The following EIF2S1 variants were observed in gnomAD, a reference collection of about 807,000 sequenced individuals.
EIF2S1 encodes the protein eukaryotic translation initiation factor 2 subunit alpha.
EIF2S1 carries 5 observed loss-of-function variants against 33.5 expected under a neutral mutation model. The ratio of observed to expected loss-of-function variants is 0.15; its 90% confidence interval spans 0.08 to 0.31. The LOEUF (loss-of-function observed/expected upper bound fraction) is 0.31, where lower values mean the gene tolerates loss of function less well. EIF2S1 is among the 10% of genes least tolerant of loss of function. The pLI, the probability that EIF2S1 is intolerant of heterozygous loss-of-function variation, is 1.00. For missense variants in EIF2S1, 191 were observed against 384.6 expected (o/e 0.50, Z 4.21); for synonymous variants, 99 against 127.5 (o/e 0.78, Z 1.51).
chr14:67,370,763 T>C (rs909039297), intron 2 of EIF2S1, among the ~76,000 whole-genome samples: 3 of 152,218 alleles, frequency 2.0e-5, no homozygotes, highest in African/African-American at 7.2e-5. Context: ...CAGTGGTTCA[T>C]GTCTGTAATT....
At position 67,384,706 on chromosome 14, in the gene EIF2S1, T is replaced by A. The variant is rs1042628801; in HGVS notation, c.*1266T>A. Reference sequence around the variant, plus strand: ...GGTAGTTTGTACCATTTATGAAGGTTTGTTCCTTTGTTAAATTTAGCAGCC... The same window carrying A: ...GGTAGTTTGTACCATTTATGAAGGTATGTTCCTTTGTTAAATTTAGCAGCC... On this transcript the variant is annotated 3_prime_UTR_variant, in exon 8 of 8. Transcript: ENST00000256383. 3.3e-5 allele frequency: 5 copies of A among 152,166 alleles called. No homozygotes were observed. Among genetic ancestry groups the A allele is most frequent in the Non-Finnish European group, 7.3e-5 (5 of 68,032 alleles). 9.4% of individuals were successfully genotyped at this position (152,166 alleles called of 1,614,324 possible). A position where few individuals can be genotyped will look rare whatever the true frequency, so the allele number is the denominator to read the frequency against.
At chr14:67,379,129 A>G (rs2085872686) in intron 4 of EIF2S1, among the ~76,000 whole-genome samples, 1 of 152,084 alleles carries the variant, frequency 6.6e-6, no homozygotes, top group East Asian at 1.9e-4. Flanking sequence ...TGTTTAGGTA[A>G]TTTTCCCTTC....
intron 1 of EIF2S1, 64 bp from the exon 2 acceptor site, chr14:67,364,703 A>G (rs1169380754): frequency 4.1e-6 from 6 of 1,471,072 alleles, no homozygotes; most frequent in Non-Finnish European, 5.5e-6. Flanking sequence ...GGATGTGGAA[A>G]TTGATTTTTT....
chr14:67,373,089 G>A (rs1324337294), intron 2 of EIF2S1, among the ~76,000 whole-genome samples: 1 of 152,154 alleles, frequency 6.6e-6, no homozygotes, highest in Non-Finnish European at 1.5e-5. Flanking sequence ...TTGCTCATGG[G>A]AATGCAGAGT....
At position 67,373,842 on chromosome 14, in the gene EIF2S1, A is replaced by AGTGTGTGTGTGTGT. The variant is rs35163593; in HGVS notation, c.242-607_242-594dup. On this transcript the variant is annotated intron_variant, in intron 2 of 7. Transcript: ENST00000256383. ...TAGATTAGATAGTTTTAATTTGTTC[A>AGTGTGTGTGTGTGT]GTGTGTGTGTGTGTGTGTGTGTGTG... Among the ~76,000 whole-genome samples, 465 of 145,788 alleles carry AGTGTGTGTGTGTGT rather than the reference A, an allele frequency of 3.2e-3. 4 individuals are homozygous for AGTGTGTGTGTGTGT. Among genetic ancestry groups the AGTGTGTGTGTGTGT allele is most frequent in the African/African-American group, 0.01 (411 of 40,034 alleles).
chr14:67,375,976 T>C (rs1461883607), intron 3 of EIF2S1, among the ~76,000 whole-genome samples: 1 of 152,216 alleles, frequency 6.6e-6, no homozygotes, highest in Non-Finnish European at 1.5e-5. Context: ...ATGAAGACCT[T>C]AATACTTTTT....
chr14:67,366,882 C>T (rs992326393), intron 2 of EIF2S1, among the ~76,000 whole-genome samples: 2 of 151,980 alleles, frequency 1.3e-5, no homozygotes, highest in Admixed American at 6.6e-5. Context: ...GACCTAAGTA[C>T]ATGCTGAAGA....
At chr14:67,368,598 C>T (rs564422941) in intron 2 of EIF2S1, among the ~76,000 whole-genome samples, 2 of 152,258 alleles carry the variant, frequency 1.3e-5, no homozygotes, top group East Asian at 3.9e-4. Flanking sequence ...AGGCTTAGTA[C>T]ACTTGACAAC....
Position 67,360,399 on chromosome 14 carries a change from T to C in EIF2S1, c.-59T>C. The C allele has an allele frequency of 2.5e-6, 1 of 395,390 alleles. No individual in the cohort carries two copies. Among genetic ancestry groups the C allele is most frequent in the Non-Finnish European group, 4.5e-6 (1 of 224,442 alleles). 24.5% of individuals were successfully genotyped at this position (395,390 alleles called of 1,614,324 possible). A position where few individuals can be genotyped will look rare whatever the true frequency, so the allele number is the denominator to read the frequency against. On this transcript the variant is annotated 5_prime_UTR_variant, in exon 1 of 8. Coordinates refer to ENST00000256383, the MANE Select transcript of EIF2S1 (RefSeq NM_004094.5). The stretch of plus-strand genomic sequence containing the variant: ...CGGTGAGGGGGAAGCAAGTCTGGTC[T>C]CTGTGATTGAAGAAGTCGGCTCTGG...
chr14:67,383,422 A>G lies in EIF2S1; in HGVS notation c.930A>G (p.Glu310=). Residue 310 remains glutamate, a synonymous_variant, in exon 8 of 8, where the codon GAA becomes GAG. Coordinates refer to ENST00000256383, the MANE Select transcript of EIF2S1 (RefSeq NM_004094.5). The stretch of plus-strand genomic sequence containing the variant: ...GAGATGATGATGCAGAAGAAATGGA[A>G]GCCAAAGCTGAAGATTAACTTTGTG... ...VDGDDDAEEM[E]AKAED The G allele has an allele frequency of 1.9e-6, 3 of 1,613,544 alleles. No homozygotes were observed. In the East Asian group the frequency reaches 6.7e-5, roughly 36 times the overall value.
chr14:67,363,610 C>T (rs1259839978), intron 1 of EIF2S1, among the ~76,000 whole-genome samples: 2 of 152,064 alleles, frequency 1.3e-5, no homozygotes, highest in African/African-American at 4.8e-5. Flanking sequence ...GAACAAGTAA[C>T]TTAACCTGTG....
At chr14:67,366,292 C>T (rs557462747) in intron 2 of EIF2S1, among the ~76,000 whole-genome samples, 173 of 152,102 alleles carry the variant, frequency 1.1e-3, no homozygotes, top group Non-Finnish European at 1.5e-3. Context: ...CCAGGCTAGT[C>T]TTGAACTGGG....
intron 1 of EIF2S1, 108 bp downstream of exon 1, chr14:67,360,564 C>T: frequency 4.9e-6 from 1 of 205,846 alleles, no homozygotes. Flanking sequence ...CCTTTCCCGT[C>T]CCTGCGCGGG....
chr14:67,382,630 G>A (rs991841016), intron 7 of EIF2S1, 40 bp downstream of exon 7: 2 of 1,610,628 alleles, frequency 1.2e-6, no homozygotes, highest in African/African-American at 1.3e-5. Flanking sequence ...GACTCAGGAG[G>A]TTCCTAAAAG....
chr14:67,376,732 A>G (rs1244885080), intron 4 of EIF2S1, 142 bp downstream of exon 4: 4 of 769,204 alleles, frequency 5.2e-6, no homozygotes, highest in South Asian at 1.9e-5. Context: ...GGCCAATCCT[A>G]TATGGTCAAG....
At chr14:67,375,916 G>A (rs1209321569) in intron 3 of EIF2S1, among the ~76,000 whole-genome samples, 1 of 152,150 alleles carries the variant, frequency 6.6e-6, no homozygotes, top group Non-Finnish European at 1.5e-5. Context: ...AAATGGAAGA[G>A]TTATTCAGTG....
chr14:67,385,445 A>T lies in EIF2S1; in HGVS notation c.*2005A>T, dbSNP rs1349173464. 1 of 151,730 alleles carries T rather than the reference A, an allele frequency of 6.6e-6. No individual in the cohort carries two copies. Among genetic ancestry groups the T allele is most frequent in the Non-Finnish European group, 1.5e-5 (1 of 67,968 alleles). 9.4% of individuals were successfully genotyped at this position (151,730 alleles called of 1,614,324 possible). On this transcript the variant is annotated 3_prime_UTR_variant, in exon 8 of 8. Coordinates refer to ENST00000256383, the MANE Select transcript of EIF2S1 (RefSeq NM_004094.5). The stretch of plus-strand genomic sequence containing the variant: ...ACAGGGCAAGACCCTGTCTCAAAAA[A>T]AAAAAAAAAAACCAAAAATCTTGAA...
chr14:67,372,350 C>T (rs1233618402), intron 2 of EIF2S1, among the ~76,000 whole-genome samples: 1 of 152,058 alleles, frequency 6.6e-6, no homozygotes, highest in Non-Finnish European at 1.5e-5. Flanking sequence ...TAGAAGAAAA[C>T]AGGAATCTTT....
At chr14:67,363,600 G>A (rs993435618) in intron 1 of EIF2S1, among the ~76,000 whole-genome samples, 2 of 152,138 alleles carry the variant, frequency 1.3e-5, no homozygotes, top group South Asian at 4.1e-4. Context: ...GTATGTGAAA[G>A]AACAAGTAAC....
Sources: gnomAD v4.1 joint callset for allele counts (sites outside exome capture counted in the v4.1 genomes callset) on GRCh38, gnomAD v4.1.1 for gene constraint, MANE v1.5 for transcripts, NCBI Gene and HGNC (gene_info 2026-07-23, HGNC 2026-07-21) for gene names.